SHISA9: variants seen among roughly 807,000 people sequenced by gnomAD.
The protein encoded by SHISA9 is protein shisa-9.
Under a neutral mutation model 38.0 loss-of-function variants are expected in SHISA9, and 13 were observed. The observed-to-expected ratio is 0.34, with a 90% CI of 0.22 to 0.54. SHISA9 has a LOEUF of 0.54. SHISA9 is among the 20% of genes least tolerant of loss of function. The probability of loss-of-function intolerance (pLI) is 0.91; values close to 1 mark genes in which losing one functional copy is unlikely to be tolerated. For synonymous variants in SHISA9, 275 were observed against 242.0 expected, an observed-to-expected ratio of 1.14 and a Z score of -1.27; for missense variants, 538 against 575.8, an observed-to-expected ratio of 0.93 and a Z score of 0.67.
At chr16:13,406,461 CTA>C in the SHISA9 span, among the ~76,000 whole-genome samples, 1 of 152,126 alleles carries the variant, frequency 6.6e-6, no homozygotes, top group African/African-American at 2.4e-5. Context: ...ATGTTAATCC[CTA>C]AGAAATGTGC....
At chr16:13,191,467 A>G (rs576253400) in intron 2 of SHISA9, among the ~76,000 whole-genome samples, 1 of 152,190 alleles carries the variant, frequency 6.6e-6, no homozygotes, top group Non-Finnish European at 1.5e-5. Flanking sequence ...TAGCTACCAT[A>G]TGTTGGGTGC....
the SHISA9 span, among the ~76,000 whole-genome samples, chr16:13,403,200 C>A: frequency 6.6e-6 from 1 of 152,128 alleles, no homozygotes; most frequent in Non-Finnish European, 1.5e-5. Flanking sequence ...CTAATACGGA[C>A]CCACAGTGTT....
chr16:13,448,497 C>A, the SHISA9 span, among the ~76,000 whole-genome samples: 1 of 152,148 alleles, frequency 6.6e-6, no homozygotes, highest in African/African-American at 2.4e-5. Context: ...CTTCCTGATG[C>A]CCAGAATGAG....
the SHISA9 span, among the ~76,000 whole-genome samples, chr16:13,365,401 C>G: frequency 6.6e-6 from 1 of 150,868 alleles, no homozygotes; most frequent in South Asian, 2.1e-4. Flanking sequence ...AGGCATCATG[C>G]TAAACATTTA....
At chr16:12,947,415 G>A (rs1268679832) in intron 2 of SHISA9, among the ~76,000 whole-genome samples, 6 of 152,216 alleles carry the variant, frequency 3.9e-5, no homozygotes, top group East Asian at 1.9e-4. Flanking sequence ...CATGTTAAAC[G>A]CAAATGCATT....
intron 2 of SHISA9, among the ~76,000 whole-genome samples, chr16:13,087,147 CT>C (rs956913326): frequency 0.22 from 17,846 of 81,956 alleles, 807 homozygotes; most frequent in South Asian, 0.29. Flanking sequence ...ATGAACTCGT[CT>C]TTTTTTTTTT....
the SHISA9 span, among the ~76,000 whole-genome samples, chr16:13,289,203 A>G: frequency 5.3e-5 from 8 of 152,102 alleles, no homozygotes; most frequent in Non-Finnish European, 8.8e-5. Flanking sequence ...TTCTTCTGGC[A>G]TTGTGTTGTC....
intron 2 of SHISA9, among the ~76,000 whole-genome samples, chr16:13,026,842 T>C (rs1370023568): frequency 2.0e-5 from 3 of 152,194 alleles, no homozygotes; most frequent in East Asian, 3.9e-4. Context: ...TGATGCTTAG[T>C]ATTATTTCCA....
chr16:13,360,451 C>G, the SHISA9 span, among the ~76,000 whole-genome samples: 2 of 152,152 alleles, frequency 1.3e-5, no homozygotes, highest in Non-Finnish European at 2.9e-5. Flanking sequence ...CCCCCATGCT[C>G]TTCTCATGAT....
chr16:13,147,554 G>C (rs150065), intron 2 of SHISA9, among the ~76,000 whole-genome samples: 137,090 of 150,564 alleles, frequency 0.91, 62,594 homozygotes, highest in African/African-American at 0.98. Context: ...ACCTCCGCCT[G>C]CAGGCTCAAA....
chr16:12,953,131 G>C (rs982365561), intron 2 of SHISA9, among the ~76,000 whole-genome samples: 4 of 151,092 alleles, frequency 2.6e-5, no homozygotes, highest in African/African-American at 4.9e-5. Flanking sequence ...GTGGTCAGGG[G>C]ACATCTCTTT....
chr16:13,050,486 C>G (rs375913948), intron 2 of SHISA9, among the ~76,000 whole-genome samples: 97 of 152,206 alleles, frequency 6.4e-4, no homozygotes, highest in African/African-American at 1.8e-3. Context: ...TGGACACCAC[C>G]ACACCTGGCT....
At chr16:13,135,609 T>C (rs1567223541) in intron 2 of SHISA9, among the ~76,000 whole-genome samples, 1 of 152,238 alleles carries the variant, frequency 6.6e-6, no homozygotes, top group Non-Finnish European at 1.5e-5. Flanking sequence ...TCAGCCTTCC[T>C]GTCACAGGTG....
intron 2 of SHISA9, among the ~76,000 whole-genome samples, chr16:13,114,343 G>T (rs1373207730): frequency 6.6e-6 from 1 of 151,474 alleles, no homozygotes; most frequent in Non-Finnish European, 1.5e-5. Flanking sequence ...GCGGGCGCCT[G>T]TAGTCCCAGC....
At chr16:13,471,054 C>T in the SHISA9 span, among the ~76,000 whole-genome samples, 1 of 151,840 alleles carries the variant, frequency 6.6e-6, no homozygotes, top group African/African-American at 2.4e-5. Flanking sequence ...CTTGCTGGAA[C>T]CCTAAAGATC....
chr16:13,107,101 C>T (rs570107511), intron 2 of SHISA9, among the ~76,000 whole-genome samples: 64 of 151,932 alleles, frequency 4.2e-4, no homozygotes, highest in African/African-American at 1.4e-3. Flanking sequence ...GTTTATTCCC[C>T]GAGTGAGGGA....
chr16:13,016,605 G>A (rs184034251), intron 2 of SHISA9, among the ~76,000 whole-genome samples: 84 of 152,174 alleles, frequency 5.5e-4, no homozygotes, highest in Admixed American at 1.4e-3. Flanking sequence ...GTTTTTTGCC[G>A]TTTTTGTTTA....
chr16:13,096,810 A>T (rs2073832792), intron 2 of SHISA9, among the ~76,000 whole-genome samples: 1 of 151,604 alleles, frequency 6.6e-6, no homozygotes, highest in African/African-American at 2.4e-5. Flanking sequence ...AGCCTTTTGG[A>T]TGTGCTATTT....
chr16:13,370,966 G>A, the SHISA9 span, among the ~76,000 whole-genome samples: 2 of 152,066 alleles, frequency 1.3e-5, no homozygotes, highest in Non-Finnish European at 2.9e-5. Flanking sequence ...AAAATAAAGG[G>A]CACCCAAATA....
Sources: allele counts gnomAD v4.1 joint callset (sites outside exome capture counted in the v4.1 genomes callset), GRCh38; gene constraint gnomAD v4.1.1; transcripts MANE v1.5; gene names NCBI Gene and HGNC (gene_info 2026-07-23, HGNC 2026-07-21).